HAPLN2: variants seen among roughly 807,000 people sequenced by gnomAD.
HAPLN2 encodes the protein hyaluronan and proteoglycan link protein 2.
A neutral mutation model predicts 29.3 loss-of-function variants in HAPLN2; 27 were observed. The ratio of observed to expected loss-of-function variants is 0.92; its 90% CI spans 0.68 to 1.27. HAPLN2 has a LOEUF of 1.27. Among genes scored for constraint, HAPLN2 ranks in the 50% most tolerant of loss-of-function variants. The probability of loss-of-function intolerance (pLI) is 0.00; values close to 1 mark genes in which losing one functional copy is unlikely to be tolerated. For synonymous variants in HAPLN2, 208 were observed against 211.7 expected (o/e 0.98, Z 0.15); for missense variants, 454 against 484.3 (o/e 0.94, Z 0.59).
chr1:156,618,088 G>A (rs931065975), upstream of HAPLN2, among the ~76,000 whole-genome samples: 1 of 150,990 alleles, frequency 6.6e-6, no homozygotes, highest in African/African-American at 2.4e-5. Flanking sequence ...CTTGAGCCCA[G>A]GAGTTCAAGA....
chr1:156,606,669 G>C, the HAPLN2 span, among the ~76,000 whole-genome samples: 3 of 151,972 alleles, frequency 2.0e-5, no homozygotes, highest in East Asian at 1.9e-4. Flanking sequence ...TTTTTGTAGA[G>C]ACAGGGTTTC....
In HAPLN2 at chr1:156,624,012, G is replaced by A. The variant is rs1345837055; in HGVS notation, c.291G>A (p.Leu97=). ...NGLHARGYGP[L]GGRARMRRGH... ...TGCACGCCCGGGGGTATGGGCCCCT[G>A]GGAGGGCGCGCCAGGATGCGGAGGG... The change falls in exon 4 of 7, where the codon CTG becomes CTA. Residue 97 remains leucine (L), a synonymous_variant. Coordinates refer to ENST00000255039, the MANE Select transcript of HAPLN2 (RefSeq NM_021817.3). 6.2e-7 allele frequency: 1 copy of A among 1,610,940 alleles called. No individual in the cohort carries two copies. Among genetic ancestry groups the A allele is most frequent in the South Asian group, 1.1e-5 (1 of 90,662 alleles).
At chr1:156,624,909 G>GGCCCCCCCC in intron 6 of HAPLN2, 126 bp downstream of exon 6, 14 of 999,478 alleles carry the variant, frequency 1.4e-5, no homozygotes, top group South Asian at 5.5e-5. Context: ...CCCCCCATCA[G>GGCCCCCCCC]CCCGCCCGCC....
At chr1:156,611,587 A>C in the HAPLN2 span, among the ~76,000 whole-genome samples, 9 of 152,222 alleles carry the variant, frequency 5.9e-5, no homozygotes, top group Admixed American at 3.9e-4. Flanking sequence ...ACAAAAAAAC[A>C]AAAAAACCCC....
At chr1:156,614,145 G>C in the HAPLN2 span, among the ~76,000 whole-genome samples, 3 of 151,740 alleles carry the variant, frequency 2.0e-5, no homozygotes, top group Non-Finnish European at 2.9e-5. Flanking sequence ...TCACTTTCCT[G>C]GTCTATAAAA....
the HAPLN2 span, among the ~76,000 whole-genome samples, chr1:156,613,116 C>T: frequency 3.3e-5 from 5 of 151,972 alleles, no homozygotes; most frequent in Non-Finnish European, 4.4e-5. Flanking sequence ...TTTGGGAGGC[C>T]GAGGCAGGCG....
Position 156,624,708 on chromosome 1 carries a change from G to C in HAPLN2, c.664G>C (p.Gly222Arg). 6.3e-7 allele frequency: 1 copy of C among 1,589,538 alleles called. No individual in the cohort carries two copies. ...CCCGTGCGGCGGCCGAGGCCGGCCC[G>C]GGATCCGCAGCTACGGACCCCGCGA... is the stretch of plus-strand genomic sequence containing the variant. ...RAPCGGRGRP[G>R]IRSYGPRDRM... Residue 222 changes from glycine to arginine, a missense_variant, in exon 6 of 7, where the codon GGG becomes CGG. By Grantham distance (125) the Gly-to-Arg change is moderately radical. This residue lies in a region of HAPLN2 where 235 missense variants were observed against 236.9 expected (regional missense o/e 0.99). Coordinates refer to ENST00000255039, the MANE Select transcript of HAPLN2 (RefSeq NM_021817.3).
the HAPLN2 span, among the ~76,000 whole-genome samples, chr1:156,607,957 G>A: frequency 6.6e-6 from 1 of 152,020 alleles, no homozygotes; most frequent in African/African-American, 2.4e-5. Flanking sequence ...AAAAAAAGGT[G>A]AGCCTGTGTC....
At chr1:156,602,188 C>A in the HAPLN2 span, among the ~76,000 whole-genome samples, 1 of 152,160 alleles carries the variant, frequency 6.6e-6, no homozygotes, top group Non-Finnish European at 1.5e-5. Context: ...GATATGCACA[C>A]CTCGGCTTCC....
At chr1:156,604,871 A>C in the HAPLN2 span, among the ~76,000 whole-genome samples, 6 of 152,124 alleles carry the variant, frequency 3.9e-5, no homozygotes, top group Admixed American at 1.3e-4. Context: ...AATACTCTCC[A>C]AATTGATCTA....
the HAPLN2 span, among the ~76,000 whole-genome samples, chr1:156,613,947 A>G: frequency 6.6e-6 from 1 of 151,408 alleles, no homozygotes; most frequent in Admixed American, 6.6e-5. Flanking sequence ...AAAAGAAAAA[A>G]GAAAAAAAAG....
In HAPLN2 at chr1:156,625,196, T is replaced by C; in HGVS notation, c.835T>C (p.Tyr279His). Residue 279 changes from tyrosine to histidine, a missense_variant, in exon 7 of 7, where the codon TAC becomes CAC. Tyr to His is a moderately conservative substitution (Grantham distance 83). Coordinates refer to ENST00000255039, the MANE Select transcript of HAPLN2 (RefSeq NM_021817.3). The surrounding 1 kb of genome is among the most constrained non-coding windows in gnomAD (Gnocchi z 5.7). ...GAVVAKVGHL[Y>H]AAWKFSGLDQ... ...CGTGGTGGCCAAGGTTGGGCACCTCTACGCCGCCTGGAAGTTTTCGGGGCT... is the reference window on the plus strand; with the variant it reads ...CGTGGTGGCCAAGGTTGGGCACCTCCACGCCGCCTGGAAGTTTTCGGGGCT... 6.4e-7 allele frequency: 1 copy of C among 1,553,762 alleles called. No homozygotes were observed. The highest frequency in any genetic ancestry group is 8.7e-7 in the Non-Finnish European group (1 of 1,150,258).
chr1:156,621,576 C>T (rs1271764167), intron 2 of HAPLN2, among the ~76,000 whole-genome samples: 1 of 151,586 alleles, frequency 6.6e-6, no homozygotes, highest in Non-Finnish European at 1.5e-5. Flanking sequence ...GTTTCTACTA[C>T]AAATACAAAA....
At chr1:156,604,330 A>G in the HAPLN2 span, among the ~76,000 whole-genome samples, 2 of 148,050 alleles carry the variant, frequency 1.4e-5, no homozygotes, top group African/African-American at 5.0e-5. Flanking sequence ...CAGAGTCTCT[A>G]TCGCCAGGCT....
At chr1:156,606,196 G>A in the HAPLN2 span, among the ~76,000 whole-genome samples, 87 of 152,028 alleles carry the variant, frequency 5.7e-4, no homozygotes, top group African/African-American at 1.9e-3. Flanking sequence ...CCCGGGAGGC[G>A]GAGGTTGCAG....
chr1:156,622,453 CAA>C (rs532888019), intron 2 of HAPLN2, among the ~76,000 whole-genome samples: 2 of 139,722 alleles, frequency 1.4e-5, no homozygotes, highest in African/African-American at 2.6e-5. Context: ...AACCCTGTCT[CAA>C]AAAAAAAAAG....
the HAPLN2 span, among the ~76,000 whole-genome samples, chr1:156,613,305 C>T: frequency 6.6e-6 from 1 of 152,048 alleles, no homozygotes; most frequent in Non-Finnish European, 1.5e-5. Flanking sequence ...GAGACAAGAT[C>T]GCACCACTGC....
chr1:156,616,316 C>T (rs1168108973), upstream of HAPLN2, among the ~76,000 whole-genome samples: 1 of 152,202 alleles, frequency 6.6e-6, no homozygotes, highest in South Asian at 2.1e-4. Context: ...TGGGGGGAAA[C>T]TGAGAATGAA....
chr1:156,620,490 A>G (rs145844086), intron 2 of HAPLN2, among the ~76,000 whole-genome samples: 268 of 152,292 alleles, frequency 1.8e-3, no homozygotes, highest in African/African-American at 6.0e-3. Flanking sequence ...CATTTGAGCT[A>G]TCATTATTGT....
Sources: gnomAD v4.1 joint callset for allele counts (sites outside exome capture counted in the v4.1 genomes callset) on GRCh38, gnomAD v4.1.1 for gene constraint, gnomAD v4.1.1 regional missense constraint, Gnocchi (gnomAD v3.1) non-coding constraint, MANE v1.5 for transcripts, NCBI Gene and HGNC (gene_info 2026-07-23, HGNC 2026-07-21) for gene names.